Variants in XIRP2 observed in about 807,000 individuals in gnomAD.
XIRP2 encodes the protein xin actin binding repeat containing 2, also known as xin actin-binding repeat-containing protein 2.
A neutral mutation model predicts 277.0 loss-of-function variants in XIRP2; 236 were observed. The observed-to-expected ratio is 0.85, with a 90% CI of 0.77 to 0.95. The LOEUF (loss-of-function observed/expected upper bound fraction) is 0.95. XIRP2 is among the 40% of genes least tolerant of loss of function. The probability of loss-of-function intolerance (pLI) is 0.00; values close to 1 mark genes in which losing one functional copy is unlikely to be tolerated. For missense variants in XIRP2, 4,640 were observed against 4,157.5 expected, an observed-to-expected ratio of 1.12 and a Z score of -3.19; for synonymous variants, 1,490 against 1,416.5, an observed-to-expected ratio of 1.05 and a Z score of -1.17.
At chr2:166,937,677 C>T (rs1051008243) in intron 2 of XIRP2, among the ~76,000 whole-genome samples, 7 of 152,168 alleles carry the variant, frequency 4.6e-5, no homozygotes, top group South Asian at 2.1e-4. Flanking sequence ...ATCGTACCAG[C>T]TCCTCCTTGT....
intron 2 of XIRP2, among the ~76,000 whole-genome samples, chr2:166,981,401 C>T (rs1186399320): frequency 1.3e-5 from 2 of 151,864 alleles, no homozygotes; most frequent in Admixed American, 6.6e-5. Context: ...TGTGTCTGTA[C>T]ATCTGTGTGT....
intron 2 of XIRP2, among the ~76,000 whole-genome samples, chr2:166,918,483 G>A (rs935895983): frequency 1.3e-5 from 2 of 151,874 alleles, no homozygotes; most frequent in East Asian, 1.9e-4. Flanking sequence ...GACAGGGAAG[G>A]GAAAAAATAT....
intron 2 of XIRP2, among the ~76,000 whole-genome samples, chr2:167,062,223 T>C (rs2105241064): frequency 6.6e-6 from 1 of 152,308 alleles, no homozygotes; most frequent in Middle Eastern, 3.4e-3. Flanking sequence ...CTGGATAGAA[T>C]TCTGCCACGG....
At chr2:167,137,000 C>CT (rs1410935518) in intron 3 of XIRP2, among the ~76,000 whole-genome samples, 35 of 152,316 alleles carry the variant, frequency 2.3e-4, no homozygotes, top group African/African-American at 8.4e-4. Flanking sequence ...AATGCAGAAC[C>CT]TTCGGCCTCA....
chr2:167,107,244 G>T (rs985229771), intron 2 of XIRP2, among the ~76,000 whole-genome samples: 4 of 151,698 alleles, frequency 2.6e-5, no homozygotes, highest in African/African-American at 9.7e-5. Context: ...TTCCAATATT[G>T]GATAAGACAG....
chr2:167,032,073 C>T (rs1477246244), intron 2 of XIRP2, among the ~76,000 whole-genome samples: 1 of 152,066 alleles, frequency 6.6e-6, no homozygotes, highest in African/African-American at 2.4e-5. Context: ...TCTACAGTAA[C>T]CAAAACAGTA....
intron 1 of XIRP2, among the ~76,000 whole-genome samples, chr2:166,888,918 A>AATTTAAC: frequency 6.6e-6 from 1 of 152,188 alleles, no homozygotes. Flanking sequence ...CTGGGGAAGA[A>AATTTAAC]ATTTAACAAA....
chr2:167,048,854 G>C (rs1334908858), intron 2 of XIRP2, among the ~76,000 whole-genome samples: 3 of 151,766 alleles, frequency 2.0e-5, no homozygotes, highest in Non-Finnish European at 2.9e-5. Context: ...ACTGAAAAAG[G>C]GTGCTAGTCT....
chr2:167,224,821 T>C (rs184032247), intron 5 of XIRP2, among the ~76,000 whole-genome samples: 39 of 152,230 alleles, frequency 2.6e-4, no homozygotes, highest in African/African-American at 8.7e-4. Context: ...CAAAGAAGGA[T>C]TATCATGTTC....
rs182694851 is a variant in XIRP2, at chr2:167,240,314, C to A, written c.969+349C>A. ...CCTGTAATCCCAGCTACTCGGGGGG[C>A]TGAGGCAGGAGAATCACGTGAACCC... On this transcript the variant is annotated intron_variant, in intron 6 of 10. Coordinates refer to ENST00000409195, the MANE Select transcript of XIRP2 (RefSeq NM_152381.6). Among the ~76,000 whole-genome samples, 644 of 152,066 alleles carry A rather than the reference C, an allele frequency of 4.2e-3. 3 individuals are homozygous for A. Among genetic ancestry groups the A allele is most frequent in the African/African-American group, 0.014 (594 of 41,478 alleles).
chr2:167,254,551 T>A (rs549303163), intron 10 of XIRP2, among the ~76,000 whole-genome samples: 1 of 151,996 alleles, frequency 6.6e-6, no homozygotes, highest in South Asian at 2.1e-4. Context: ...CCGTACTGCT[T>A]CTGTCACTAC....
intron 2 of XIRP2, among the ~76,000 whole-genome samples, chr2:167,036,509 T>A (rs1204959921): frequency 6.6e-6 from 1 of 152,198 alleles, no homozygotes; most frequent in Non-Finnish European, 1.5e-5. Context: ...AATGGCTGTA[T>A]TTACCCAATA....
intron 3 of XIRP2, among the ~76,000 whole-genome samples, chr2:167,177,814 A>G: frequency 6.6e-6 from 1 of 152,166 alleles, no homozygotes; most frequent in East Asian, 1.9e-4. Flanking sequence ...AATATCTCTC[A>G]TATGTATTAG....
chr2:167,081,374 G>C (rs1265553793), intron 2 of XIRP2, among the ~76,000 whole-genome samples: 1 of 152,162 alleles, frequency 6.6e-6, no homozygotes, highest in Non-Finnish European at 1.5e-5. Context: ...AAGCAGAGGT[G>C]AGAGGATTAC....
intron 1 of XIRP2, among the ~76,000 whole-genome samples, chr2:166,893,111 G>A (rs1195770787): frequency 6.6e-6 from 1 of 151,764 alleles, no homozygotes; most frequent in African/African-American, 2.4e-5. Context: ...TGACTCTTGG[G>A]TTTAAATTAC....
intron 2 of XIRP2, among the ~76,000 whole-genome samples, chr2:166,925,589 GTATATACATATATATATATA>G (rs1463645994): frequency 8.5e-5 from 9 of 105,976 alleles, no homozygotes; most frequent in African/African-American, 3.6e-4. Flanking sequence ...GTGTGTATGT[GTATATACATATATATATATA>G]TATATATATA....
In XIRP2 at chr2:167,244,266, TA is replaced by T; in HGVS notation, c.2877del (p.Lys959AsnfsTer8). 1.2e-6 allele frequency: 2 copies of T among 1,613,750 alleles called. No homozygotes were observed. The highest frequency in any genetic ancestry group is 1.7e-6 in the Non-Finnish European group (2 of 1,179,838). On this transcript the variant is annotated frameshift_variant, in exon 9 of 11. Transcript: ENST00000409195. LOFTEE classifies it high-confidence loss of function. ...THIFESNNLI[K>X]FDASHKIEVE... The stretch of plus-strand genomic sequence containing the variant: ...ATATCTTTGAATCAAACAATTTAAT[TA>T]AATTTGATGCATCACATAAAATAGA...
At chr2:166,938,621 C>T (rs575165501) in intron 2 of XIRP2, among the ~76,000 whole-genome samples, 3 of 152,284 alleles carry the variant, frequency 2.0e-5, no homozygotes, top group African/African-American at 7.2e-5. Context: ...CTGCTTGATG[C>T]AGAGCTGAGT....
chr2:167,201,212 A>AAG (rs1693685761), intron 3 of XIRP2, among the ~76,000 whole-genome samples: 7 of 98,020 alleles, frequency 7.1e-5, no homozygotes, highest in South Asian at 7.6e-4. Context: ...GAAAGAAAGA[A>AAG]AGAAAGAAAG....
Sources: allele counts gnomAD v4.1 joint callset (sites outside exome capture counted in the v4.1 genomes callset), GRCh38; gene constraint gnomAD v4.1.1; transcripts MANE v1.5; gene names NCBI Gene and HGNC (gene_info 2026-07-23, HGNC 2026-07-21).